The following STRBP variants were observed in gnomAD, a reference collection of about 807,000 sequenced individuals.
STRBP encodes the protein spermatid perinuclear RNA binding protein.
In STRBP, 13 loss-of-function variants were observed where a neutral mutation model predicts 80.1. That is an observed-to-expected ratio of 0.16 (90% CI 0.11 to 0.26). The LOEUF is 0.26. Among genes scored for constraint, STRBP ranks in the 10% least tolerant of loss-of-function variants. The pLI is 1.00. For synonymous variants in STRBP, 284 were observed against 291.2 expected (o/e 0.98, Z 0.25); for missense variants, 485 against 815.2 (o/e 0.59, Z 4.93).
At chr9:123,265,434 A>G (rs1019661584) in intron 1 of STRBP, among the ~76,000 whole-genome samples, 3 of 152,216 alleles carry the variant, frequency 2.0e-5, no homozygotes, top group African/African-American at 7.2e-5. Context: ...ACTACACATT[A>G]CGTGAAGCCC....
chr9:123,256,018 C>CTTTTTTTTTT (rs11338372), intron 1 of STRBP, among the ~76,000 whole-genome samples: 66 of 71,484 alleles, frequency 9.2e-4, no homozygotes, highest in Non-Finnish European at 1.1e-3. Context: ...TCCTTTCTTT[C>CTTTTTTTTTT]TTTTTTTTTT....
intron 2 of STRBP, among the ~76,000 whole-genome samples, chr9:123,205,584 T>C (rs2132519952): frequency 6.6e-6 from 1 of 152,202 alleles, no homozygotes; most frequent in East Asian, 1.9e-4. Flanking sequence ...AATATTCAGC[T>C]TAGCAAAATA....
At chr9:123,203,633 G>T (rs760636087) in intron 2 of STRBP, among the ~76,000 whole-genome samples, 4 of 151,948 alleles carry the variant, frequency 2.6e-5, no homozygotes, top group Non-Finnish European at 5.9e-5. Context: ...TTAGGTGTCT[G>T]CTCAAATGTC....
chr9:123,145,842 A>T (rs1201661209), intron 13 of STRBP, among the ~76,000 whole-genome samples: 1 of 152,204 alleles, frequency 6.6e-6, no homozygotes, highest in Non-Finnish European at 1.5e-5. Flanking sequence ...TCCAATGAAG[A>T]CAGAGCATAA....
At chr9:123,260,194 GGA>G (rs750247263) in intron 1 of STRBP, among the ~76,000 whole-genome samples, 1 of 152,134 alleles carries the variant, frequency 6.6e-6, no homozygotes, top group Non-Finnish European at 1.5e-5. Flanking sequence ...TGATGTTGCA[GGA>G]GAGAGAGAGA....
At chr9:123,109,905 G>A (rs1448162778) in intron 3 of STRBP, 3 of 152,254 alleles carry the variant, frequency 2.0e-5, no homozygotes, top group Non-Finnish European at 2.9e-5. Context: ...TTACACTTGC[G>A]TATTCAGAAA....
At chr9:123,233,929 G>A (rs540138740) in intron 2 of STRBP, among the ~76,000 whole-genome samples, 11 of 152,156 alleles carry the variant, frequency 7.2e-5, no homozygotes, top group African/African-American at 2.2e-4. Flanking sequence ...GGCCGGGCGC[G>A]GTGGCTCACG....
intron 6 of STRBP, among the ~76,000 whole-genome samples, chr9:123,167,949 T>C (rs2037839785): frequency 6.6e-6 from 1 of 151,844 alleles, no homozygotes; most frequent in Non-Finnish European, 1.5e-5. Context: ...TGACAAAATC[T>C]CATATAAGTA....
Position 123,122,909 on chromosome 9 carries a change from C to T in STRBP, c.*2688G>A, listed in dbSNP as rs757349146. 4.4e-5 allele frequency: 43 copies of T among 985,386 alleles called. No homozygotes were observed. Among genetic ancestry groups the T allele is most frequent in the Non-Finnish European group, 4.9e-5 (41 of 829,988 alleles). The allele number at this position is 985,386 out of a possible 1,614,324, so 61.0% of individuals were successfully genotyped here. ...AACTATGCTAAAAAGGGGTTAAGTA[C>T]AGATATTGCTAGGTTTCCAAAGGAA... is the stretch of plus-strand genomic sequence containing the variant. On this transcript the variant is annotated 3_prime_UTR_variant, in exon 19 of 19. Coordinates refer to ENST00000348403, the MANE Select transcript of STRBP (RefSeq NM_018387.5).
intron 6 of STRBP, among the ~76,000 whole-genome samples, chr9:123,163,413 A>C (rs1475821420): frequency 1.3e-5 from 2 of 152,232 alleles, no homozygotes; most frequent in Non-Finnish European, 2.9e-5. Context: ...TTTGAAGACA[A>C]CACATTCTAT....
intron 1 of STRBP, among the ~76,000 whole-genome samples, chr9:123,262,905 C>T (rs1379025559): frequency 1.3e-5 from 2 of 152,204 alleles, no homozygotes; most frequent in Non-Finnish European, 2.9e-5. Flanking sequence ...AACTTTCAGG[C>T]TCAAATCACC....
intron 1 of STRBP, among the ~76,000 whole-genome samples, chr9:123,264,336 A>T (rs1406626786): frequency 6.6e-6 from 1 of 152,256 alleles, no homozygotes; most frequent in Non-Finnish European, 1.5e-5. Context: ...CACTTAGCTG[A>T]GAAATTGGAA....
Position 123,236,954 on chromosome 9 carries a change from C to CA in STRBP, c.-290dup, listed in dbSNP as rs1163923082. 6.6e-6 allele frequency: 1 copy of CA among 152,108 alleles called. No individual in the cohort carries two copies. The highest frequency in any genetic ancestry group is 2.4e-5 in the African/African-American group (1 of 41,378). The allele number at this position is 152,108 out of a possible 1,614,324, so 9.4% of individuals were successfully genotyped here. The stretch of plus-strand genomic sequence containing the variant: ...TTCGAGACCAGCCAGGTCAACATGG[C>CA]AAAACCCCGTCTCTACTAAAAATAC... On this transcript the variant is annotated 5_prime_UTR_variant, in exon 2 of 19. Coordinates refer to ENST00000348403, the MANE Select transcript of STRBP (RefSeq NM_018387.5).
intron 17 of STRBP, among the ~76,000 whole-genome samples, chr9:123,129,153 T>C (rs1430526640): frequency 2.0e-5 from 3 of 152,006 alleles, no homozygotes; most frequent in African/African-American, 7.3e-5. Flanking sequence ...ACCCAGGAGT[T>C]AGAGACCAGC....
chr9:123,178,984 C>T (rs753018687), intron 4 of STRBP, 23 bp downstream of exon 4: 3 of 1,607,826 alleles, frequency 1.9e-6, no homozygotes, highest in Non-Finnish European at 2.6e-6. Flanking sequence ...AGCACAGCGT[C>T]CCAGAGGTCA....
At chr9:123,155,764 T>TAAAATATTTGTGAG (rs1369952720) in intron 11 of STRBP, among the ~76,000 whole-genome samples, 1 of 151,498 alleles carries the variant, frequency 6.6e-6, no homozygotes. Context: ...AGGCAGAGGA[T>TAAAATATTTGTGAG]AAAATATTTG....
intron 1 of STRBP, among the ~76,000 whole-genome samples, chr9:123,239,595 G>A (rs1247997663): frequency 1.3e-5 from 2 of 152,074 alleles, no homozygotes; most frequent in Non-Finnish European, 2.9e-5. Context: ...ACTTATTACT[G>A]AAAGCAAGAA....
intron 16 of STRBP, among the ~76,000 whole-genome samples, chr9:123,135,165 C>T (rs990686698): frequency 5.9e-5 from 9 of 152,262 alleles, no homozygotes; most frequent in African/African-American, 2.2e-4. Context: ...TTTCTTTGGG[C>T]CTTGTTTCCT....
chr9:123,220,206 T>C (rs1057446827), intron 2 of STRBP, among the ~76,000 whole-genome samples: 2 of 152,248 alleles, frequency 1.3e-5, no homozygotes, highest in African/African-American at 4.8e-5. Flanking sequence ...TTTAATACAG[T>C]GATGCATTTC....
Sources: gnomAD v4.1 joint callset for allele counts (sites outside exome capture counted in the v4.1 genomes callset) on GRCh38, gnomAD v4.1.1 for gene constraint, MANE v1.5 for transcripts, NCBI Gene and HGNC (gene_info 2026-07-23, HGNC 2026-07-21) for gene names.